The following CHAF1A variants were observed in gnomAD, a reference collection of about 807,000 sequenced individuals.
CHAF1A encodes chromatin assembly factor 1 subunit A.
Under a neutral mutation model 93.2 loss-of-function variants are expected in CHAF1A, and 5 were observed. The observed-to-expected ratio is 0.05, with a 90% CI of 0.03 to 0.11. The LOEUF is 0.11. CHAF1A is among the 10% of genes least tolerant of loss of function. The probability of loss-of-function intolerance (pLI) is 1.00; values close to 1 mark genes in which losing one functional copy is unlikely to be tolerated. For synonymous variants in CHAF1A, 504 were observed against 510.3 expected, an observed-to-expected ratio of 0.99 and a Z score of 0.17; for missense variants, 1,102 against 1,259.9, an observed-to-expected ratio of 0.87 and a Z score of 1.90.
chr19:4,433,203 C>T lies in CHAF1A; in HGVS notation c.2337C>T (p.Thr779=). Residue 779 remains threonine (T), a synonymous_variant, in exon 13 of 15, where the codon ACC becomes ACT. Transcript: ENST00000301280. The surrounding 1 kb of genome is among the most constrained non-coding windows in gnomAD (Gnocchi z 5.6). The stretch of plus-strand genomic sequence containing the variant: ...GCAGCCCGCGGAGCCCCTCCACCAC[C>T]TACCTGCACACCCCCACCCCCAGCG... ...HTGSPRSPST[T]YLHTPTPSED... is the part of the protein sequence containing the mutation. 6.2e-7 allele frequency: 1 copy of T among 1,614,064 alleles called. No homozygotes were observed. Among genetic ancestry groups the T allele is most frequent in the South Asian group, 1.1e-5 (1 of 91,082 alleles).
chr19:4,428,593 G>A, intron 7 of CHAF1A, 71 bp from the exon 8 acceptor site: 1 of 1,334,094 alleles, frequency 7.5e-7, no homozygotes, highest in Non-Finnish European at 1.1e-6. Context: ...CCAGCACCCT[G>A]CTGTGTGCGT....
At chr19:4,413,944 T>C (rs1257732370) in intron 3 of CHAF1A, among the ~76,000 whole-genome samples, 1 of 152,216 alleles carries the variant, frequency 6.6e-6, no homozygotes. Flanking sequence ...GCAATCAGAC[T>C]TGTGATTTAG....
At chr19:4,405,160 TC>T (rs1973657089) in intron 1 of CHAF1A, among the ~76,000 whole-genome samples, 1 of 152,188 alleles carries the variant, frequency 6.6e-6, no homozygotes, top group Admixed American at 6.6e-5. Flanking sequence ...TCTGATTTAT[TC>T]CAGACCCTAA....
intron 3 of CHAF1A, among the ~76,000 whole-genome samples, chr19:4,416,290 C>G (rs759309962): frequency 1.3e-5 from 2 of 152,196 alleles, no homozygotes; most frequent in Non-Finnish European, 2.9e-5. Flanking sequence ...GCAATGAACC[C>G]GGAGAACTAT....
At chr19:4,447,774 A>G (rs1055385248), downstream of CHAF1A, 3 of 750,902 alleles carry the variant, frequency 4.0e-6, no homozygotes, top group Non-Finnish European at 4.6e-6. Context: ...GCAGCAGACC[A>G]TCTCCGGGTG....
At chr19:4,423,308 G>T (rs1462587527) in intron 5 of CHAF1A, 27 bp from the exon 6 acceptor site, 2 of 1,613,908 alleles carry the variant, frequency 1.2e-6, no homozygotes, top group East Asian at 4.5e-5. Context: ...CAAAGAGTCG[G>T]CTGAAATGTC....
At chr19:4,446,881 C>G, downstream of CHAF1A, 11 of 1,614,036 alleles carry the variant, frequency 6.8e-6, no homozygotes, top group Non-Finnish European at 9.3e-6. Flanking sequence ...CCAATGGCCT[C>G]AAAAAACTCG....
At chr19:4,435,909 C>T (rs1333028595) in intron 13 of CHAF1A, among the ~76,000 whole-genome samples, 14 of 152,148 alleles carry the variant, frequency 9.2e-5, no homozygotes, top group African/African-American at 2.7e-4. Flanking sequence ...GAGGCCAAGG[C>T]GGGCAGATCA....
chr19:4,413,589 T>C (rs2145083260), intron 3 of CHAF1A, among the ~76,000 whole-genome samples: 1 of 152,358 alleles, frequency 6.6e-6, no homozygotes, highest in South Asian at 2.1e-4. Flanking sequence ...TTCCTTGAGT[T>C]GGTACAGTGA....
At chr19:4,447,898 G>A, downstream of CHAF1A, 1 of 523,216 alleles carries the variant, frequency 1.9e-6, no homozygotes. Flanking sequence ...CAGCGGTGGG[G>A]AAGCCACAGT....
intron 1 of CHAF1A, among the ~76,000 whole-genome samples, chr19:4,405,002 TTGG>T (rs1039672670): frequency 2.0e-5 from 3 of 152,140 alleles, no homozygotes; most frequent in African/African-American, 7.2e-5. Flanking sequence ...TTTTACAGAT[TTGG>T]TGGTGGTATG....
At chr19:4,445,708 G>A (rs2145166168), downstream of CHAF1A, 3 of 1,554,410 alleles carry the variant, frequency 1.9e-6, no homozygotes, top group East Asian at 4.5e-5. Context: ...TGGGCGCGGG[G>A]ATGCCCCGGC....
At chr19:4,417,888 TAC>T in intron 3 of CHAF1A, 130 bp from the exon 4 acceptor site, 1 of 595,280 alleles carries the variant, frequency 1.7e-6, no homozygotes, top group Non-Finnish European at 3.0e-6. Context: ...TATGCACACT[TAC>T]TGGAGTTTGT....
chr19:4,428,464 C>T (rs1186829208), intron 7 of CHAF1A, among the ~76,000 whole-genome samples, 200 bp from the exon 8 acceptor site: 2 of 152,164 alleles, frequency 1.3e-5, no homozygotes, highest in African/African-American at 2.4e-5. Context: ...CCCCCACCGC[C>T]GGCCCTTGAG....
chr19:4,418,602 A>C (rs1973935911), intron 4 of CHAF1A, among the ~76,000 whole-genome samples: 1 of 151,636 alleles, frequency 6.6e-6, no homozygotes, highest in South Asian at 2.1e-4. Flanking sequence ...TTTTTAGTAG[A>C]GACGGGGTTT....
At chr19:4,415,168 A>G (rs1350066537) in intron 3 of CHAF1A, among the ~76,000 whole-genome samples, 1 of 152,144 alleles carries the variant, frequency 6.6e-6, no homozygotes, top group Non-Finnish European at 1.5e-5. Flanking sequence ...GGAGTGTTGC[A>G]TAGAATTTTG....
downstream of CHAF1A, chr19:4,446,596 C>CGGCGCTGCCTGTCCAGCTT (rs1568188729): frequency 6.2e-7 from 1 of 1,612,630 alleles, no homozygotes. Flanking sequence ...CTGGAAGACG[C>CGGCGCTGCCTGTCCAGCTT]GGCGCTGCCT....
At chr19:4,427,136 C>CTTTATTTTTTTTTT (rs1974098405) in intron 7 of CHAF1A, among the ~76,000 whole-genome samples, 1 of 31,948 alleles carries the variant, frequency 3.1e-5, no homozygotes, top group Non-Finnish European at 5.0e-5. Context: ...AAGACCCTGT[C>CTTTATTTTTTTTTT]TTTTTTTTTT....
chr19:4,428,527 C>T, intron 7 of CHAF1A, 137 bp from the exon 8 acceptor site: 1 of 724,668 alleles, frequency 1.4e-6, no homozygotes, highest in Non-Finnish European at 2.3e-6. Flanking sequence ...TCTGTGGACC[C>T]ACACAGTGCC....
Sources: allele counts gnomAD v4.1 joint callset (sites outside exome capture counted in the v4.1 genomes callset), GRCh38; gene constraint gnomAD v4.1.1; non-coding constraint Gnocchi (gnomAD v3.1); transcripts MANE v1.5; gene names NCBI Gene and HGNC (gene_info 2026-07-23, HGNC 2026-07-21).